Variants in CEP57L1 observed in about 807,000 individuals in gnomAD.
CEP57L1 encodes centrosomal protein 57 like 1, also known as centrosomal protein CEP57L1.
In CEP57L1, 37 loss-of-function variants were observed where a neutral mutation model predicts 61.0. That is an observed-to-expected ratio of 0.61 (90% CI 0.47 to 0.80). The LOEUF is 0.80. CEP57L1 is among the 30% of genes least tolerant of loss of function. The pLI, the probability that CEP57L1 is intolerant of heterozygous loss-of-function variation, is 0.00. For synonymous variants in CEP57L1, 137 were observed against 162.3 expected (o/e 0.84, Z 1.19); for missense variants, 422 against 524.7 (o/e 0.80, Z 1.91).
At chr6:109,111,073 G>A (rs559114595) in intron 1 of CEP57L1, among the ~76,000 whole-genome samples, 3 of 152,178 alleles carry the variant, frequency 2.0e-5, no homozygotes, top group Non-Finnish European at 4.4e-5. Flanking sequence ...AAAGTCAATG[G>A]TAGCTTGATC....
intron 1 of CEP57L1, among the ~76,000 whole-genome samples, chr6:109,096,525 A>G (rs1222741713): frequency 6.6e-6 from 1 of 152,178 alleles, no homozygotes; most frequent in Non-Finnish European, 1.5e-5. Context: ...AAGCCAAATC[A>G]TGCATACTTG....
chr6:109,096,201 A>T (rs965129886), intron 1 of CEP57L1, among the ~76,000 whole-genome samples: 1 of 152,264 alleles, frequency 6.6e-6, no homozygotes, highest in African/African-American at 2.4e-5. Flanking sequence ...TTGAACGGCC[A>T]TCAGTGGACT....
chr6:109,115,758 C>T (rs1772195923), intron 1 of CEP57L1, among the ~76,000 whole-genome samples: 2 of 152,120 alleles, frequency 1.3e-5, no homozygotes, highest in African/African-American at 4.8e-5. Flanking sequence ...ATTCAATTAG[C>T]CAAGTCACCC....
At chr6:109,105,437 C>A (rs1290606425) in intron 1 of CEP57L1, among the ~76,000 whole-genome samples, 2 of 152,090 alleles carry the variant, frequency 1.3e-5, no homozygotes, top group African/African-American at 4.8e-5. Flanking sequence ...TATTGAATAG[C>A]CAATCCTTTC....
At chr6:109,147,041 T>C in intron 3 of CEP57L1, 104 bp downstream of exon 3, 2 of 894,760 alleles carry the variant, frequency 2.2e-6, no homozygotes, top group Non-Finnish European at 3.3e-6. Context: ...TTTATTCTTA[T>C]ATATATTCAA....
At position 109,160,712 on chromosome 6, in the gene CEP57L1, A is replaced by ACAGT. The variant is rs1773645634; in HGVS notation, c.1158_1161dup (p.Val388GlnfsTer4). On this transcript the variant is annotated frameshift_variant, in exon 10 of 11. Transcript: ENST00000517392. LOFTEE classifies it high-confidence loss of function. ...ATCTCCAAACTGAAGAAGCATCAAG[A>ACAGT]CAGTGTAAGAAGGCTTTAGTAAGAG... 1 of 1,588,398 alleles carries ACAGT rather than the reference A, an allele frequency of 6.3e-7. No individual in the cohort carries two copies. The highest frequency in any genetic ancestry group is 8.5e-7 in the Non-Finnish European group (1 of 1,173,192).
At chr6:109,126,131 G>A (rs1002412708) in intron 1 of CEP57L1, among the ~76,000 whole-genome samples, 1 of 152,288 alleles carries the variant, frequency 6.6e-6, no homozygotes, top group East Asian at 1.9e-4. Flanking sequence ...AGGCCCTGAA[G>A]ATATGTATGC....
intron 1 of CEP57L1, among the ~76,000 whole-genome samples, chr6:109,128,673 A>G (rs1773844248): frequency 6.6e-6 from 1 of 152,190 alleles, no homozygotes; most frequent in African/African-American, 2.4e-5. Flanking sequence ...CATGGCCCTT[A>G]TGCATTTTTA....
intron 1 of CEP57L1, among the ~76,000 whole-genome samples, chr6:109,117,065 G>T (rs1009151943): frequency 3.9e-5 from 6 of 152,022 alleles, no homozygotes; most frequent in African/African-American, 1.4e-4. Flanking sequence ...TAAAATTCCC[G>T]TGATTTTTAT....
In CEP57L1 at chr6:109,170,049, T is replaced by C. The variant is rs1447769131; in HGVS notation, c.*7079T>C. Among the ~76,000 whole-genome samples the C allele has an allele frequency of 6.6e-6, 1 of 152,186 alleles. No homozygotes were observed. Among genetic ancestry groups the C allele is most frequent in the Non-Finnish European group, 1.5e-5 (1 of 68,020 alleles). Reference sequence around the variant, plus strand: ...GATTTCTTTGGCCTTTAATATCCTATTTAATAGATTTCTTATAACCATATC... The same window carrying C: ...GATTTCTTTGGCCTTTAATATCCTACTTAATAGATTTCTTATAACCATATC... On this transcript the variant is annotated 3_prime_UTR_variant, in exon 11 of 11. Coordinates refer to ENST00000517392, the MANE Select transcript of CEP57L1 (RefSeq NM_001271852.3).
intron 1 of CEP57L1, among the ~76,000 whole-genome samples, chr6:109,099,739 A>G (rs1174377622): frequency 6.6e-6 from 1 of 151,958 alleles, no homozygotes; most frequent in African/African-American, 2.4e-5. Context: ...TAGTAGAGAC[A>G]GGGTTTCACC....
chr6:109,158,578 A>G (rs1467810953), intron 7 of CEP57L1: 1 of 454,632 alleles, frequency 2.2e-6, no homozygotes, highest in Non-Finnish European at 4.4e-6. Context: ...TTTTATGTGA[A>G]CATAAGTTTT....
At chr6:109,148,069 A>G (rs1772157116) in intron 3 of CEP57L1, among the ~76,000 whole-genome samples, 1 of 152,142 alleles carries the variant, frequency 6.6e-6, no homozygotes, top group Admixed American at 6.5e-5. Flanking sequence ...TCTGATCTAT[A>G]TGATAATCAG....
rs1399358266 is a variant in CEP57L1 at position 109,166,415 on chromosome 6, G to A, written c.*3445G>A. ...TTTTTTTTGGTGGGCATGGAGTCTC[G>A]CTGTGTCACCCAGGCTAGAGTGCAG... On this transcript the variant is annotated 3_prime_UTR_variant, in exon 11 of 11. Transcript: ENST00000517392. Among the ~76,000 whole-genome samples, 2 of 142,760 alleles carry A rather than the reference G, an allele frequency of 1.4e-5. No homozygotes were observed. Among genetic ancestry groups the A allele is most frequent in the Non-Finnish European group, 3.0e-5 (2 of 66,620 alleles). 93.7% of individuals were successfully genotyped at this position (142,760 alleles called of 152,430 possible). A position where few individuals can be genotyped will look rare whatever the true frequency, so the allele number is the denominator to read the frequency against.
At chr6:109,138,578 C>G (rs546084612) in intron 1 of CEP57L1, among the ~76,000 whole-genome samples, 4 of 152,232 alleles carry the variant, frequency 2.6e-5, no homozygotes, top group African/African-American at 9.6e-5. Flanking sequence ...CTTGACATAT[C>G]CTGTTCAATT....
At chr6:109,155,565 G>A (rs1038570558) in intron 6 of CEP57L1, among the ~76,000 whole-genome samples, 2 of 151,760 alleles carry the variant, frequency 1.3e-5, no homozygotes, top group Admixed American at 6.6e-5. Flanking sequence ...TTTTCAGTTT[G>A]ATTTCTGTAC....
chr6:109,095,414 G>A (rs1378724399), upstream of CEP57L1: 1 of 985,778 alleles, frequency 1.0e-6, no homozygotes, highest in Admixed American at 6.1e-5. Context: ...TAAGTCGGTA[G>A]GACGTCTTCG....
intron 7 of CEP57L1, chr6:109,158,350 G>C (rs1773414178): frequency 4.2e-6 from 1 of 236,866 alleles, no homozygotes; most frequent in Non-Finnish European, 8.4e-6. Flanking sequence ...TAGCCAGGCA[G>C]TAGTGGCACA....
chr6:109,160,186 C>T (rs548507147), intron 9 of CEP57L1, among the ~76,000 whole-genome samples: 2 of 152,226 alleles, frequency 1.3e-5, no homozygotes, highest in Non-Finnish European at 2.9e-5. Context: ...AGGCTAACTC[C>T]AAATCCAGAA....
Sources: gnomAD v4.1 joint callset for allele counts (sites outside exome capture counted in the v4.1 genomes callset) on GRCh38, gnomAD v4.1.1 for gene constraint, MANE v1.5 for transcripts, NCBI Gene and HGNC (gene_info 2026-07-23, HGNC 2026-07-21) for gene names.